DSCAM: variants seen among roughly 807,000 people sequenced by gnomAD.
The protein encoded by DSCAM is DS cell adhesion molecule, also known as cell adhesion molecule DSCAM.
Under a neutral mutation model 217.7 loss-of-function variants are expected in DSCAM, and 47 were observed. That is an observed-to-expected ratio of 0.22 (90% CI 0.17 to 0.28). DSCAM has a LOEUF of 0.28. Ranked by LOEUF, DSCAM falls within the 10% of genes least tolerant of loss-of-function variation. DSCAM has a pLI of 1.00. For missense variants in DSCAM, 2,080 were observed against 2,618.3 expected (o/e 0.79, Z 4.49); for synonymous variants, 1,056 against 1,015.3 (o/e 1.04, Z -0.76).
At chr21:40,359,181 T>C (rs2074730058) in intron 4 of DSCAM, among the ~76,000 whole-genome samples, 1 of 152,198 alleles carries the variant, frequency 6.6e-6, no homozygotes, top group Non-Finnish European at 1.5e-5. Context: ...TGGAAGGTAA[T>C]ATATACTTAC....
At chr21:40,409,943 A>G (rs1033196079) in intron 3 of DSCAM, among the ~76,000 whole-genome samples, 1 of 152,250 alleles carries the variant, frequency 6.6e-6, no homozygotes, top group Non-Finnish European at 1.5e-5. Flanking sequence ...GACATCCACT[A>G]AACAATTACA....
At chr21:40,654,446 T>G (rs1461486963) in intron 3 of DSCAM, among the ~76,000 whole-genome samples, 1 of 152,208 alleles carries the variant, frequency 6.6e-6, no homozygotes, top group Non-Finnish European at 1.5e-5. Context: ...CTGCACTAAA[T>G]TTTTACAGCT....
At chr21:40,274,228 G>A (rs2073657492) in intron 11 of DSCAM, among the ~76,000 whole-genome samples, 1 of 152,206 alleles carries the variant, frequency 6.6e-6, no homozygotes. Flanking sequence ...GGACATATGG[G>A]GGCATCGTCC....
At chr21:40,592,999 T>C (rs2076994957) in intron 3 of DSCAM, among the ~76,000 whole-genome samples, 2 of 152,198 alleles carry the variant, frequency 1.3e-5, no homozygotes, top group Non-Finnish European at 2.9e-5. Context: ...TTTGACGAAG[T>C]TAAATGTTTG....
intron 1 of DSCAM, among the ~76,000 whole-genome samples, chr21:40,825,266 TTTCCTTCCTTCCTTCC>T (rs142604153): frequency 0.022 from 3,138 of 140,052 alleles, 106 homozygotes; most frequent in African/African-American, 0.076. Context: ...ATTTTCTTTC[TTTCCTTCCTTCCTTCC>T]TTCCTTCCTT....
At chr21:40,048,158 A>T (rs1288298644) in intron 30 of DSCAM, among the ~76,000 whole-genome samples, 1 of 152,176 alleles carries the variant, frequency 6.6e-6, no homozygotes, top group Non-Finnish European at 1.5e-5. Flanking sequence ...GTCATCACCC[A>T]CGTTAAGAGC....
At chr21:40,444,983 A>G (rs1215029263) in intron 3 of DSCAM, among the ~76,000 whole-genome samples, 5 of 152,150 alleles carry the variant, frequency 3.3e-5, no homozygotes, top group Non-Finnish European at 2.9e-5. Flanking sequence ...GGGCTGCTAT[A>G]ACAAAATATG....
intron 11 of DSCAM, among the ~76,000 whole-genome samples, chr21:40,191,608 C>T (rs979607756): frequency 3.3e-5 from 5 of 152,118 alleles, no homozygotes; most frequent in South Asian, 2.1e-4. Flanking sequence ...ATATTGCATT[C>T]GCTTCCTAGA....
chr21:40,386,774 A>G (rs1382062366), intron 3 of DSCAM, among the ~76,000 whole-genome samples: 1 of 152,128 alleles, frequency 6.6e-6, no homozygotes, highest in Non-Finnish European at 1.5e-5. Context: ...TTAAAAGTGG[A>G]AACAGTGACG....
rs117289242 is a variant in DSCAM, at chr21:40,611,114, A to G, written c.508+81696T>C. ...CACCGTGTCGTCCAGGCTGGAGTAC[A>G]GTGGCGCGATCTCGGCTCACTGCAA... On this transcript the variant is annotated intron_variant, in intron 3 of 32. Coordinates refer to ENST00000400454, the MANE Select transcript of DSCAM (RefSeq NM_001389.5). 2.7e-3 allele frequency among the ~76,000 whole-genome samples: 385 copies of G among 141,022 alleles called. 13 individuals are homozygous for G. The East Asian group carries it at 0.061, about 22-fold the overall frequency. The allele number at this position is 141,022 out of a possible 152,430, so 92.5% of individuals were successfully genotyped here.
chr21:40,192,050 T>G (rs560610847), intron 11 of DSCAM, among the ~76,000 whole-genome samples: 59 of 152,294 alleles, frequency 3.9e-4, no homozygotes, highest in Non-Finnish European at 7.6e-4. Flanking sequence ...ATTACAAATA[T>G]ATTTATATTA....
chr21:40,213,677 G>A (rs774546660), intron 11 of DSCAM, among the ~76,000 whole-genome samples: 2 of 152,202 alleles, frequency 1.3e-5, no homozygotes, highest in Non-Finnish European at 2.9e-5. Context: ...TGGGTGAGAA[G>A]CTAGAAGGGA....
intron 3 of DSCAM, among the ~76,000 whole-genome samples, chr21:40,532,582 T>C (rs1208738323): frequency 6.6e-6 from 1 of 152,214 alleles, no homozygotes. Flanking sequence ...CAGACAGTTC[T>C]TGCCGAGGGC....
At chr21:40,146,069 C>A (rs986679338) in intron 16 of DSCAM, among the ~76,000 whole-genome samples, 1 of 151,990 alleles carries the variant, frequency 6.6e-6, no homozygotes, top group Admixed American at 6.6e-5. Context: ...ATCTCTCAAG[C>A]CTCTGAAAGC....
intron 3 of DSCAM, 92 bp downstream of exon 3, chr21:40,692,718 T>C (rs1008248963): frequency 1.4e-6 from 2 of 1,426,470 alleles, no homozygotes; most frequent in African/African-American, 1.4e-5. Flanking sequence ...TGAATTATGA[T>C]GAACACATAA....
At chr21:40,676,128 T>C (rs1349676311) in intron 3 of DSCAM, among the ~76,000 whole-genome samples, 2 of 152,192 alleles carry the variant, frequency 1.3e-5, no homozygotes, top group Admixed American at 6.5e-5. Flanking sequence ...AAGAAAGTAA[T>C]CATCCATATC....
In DSCAM at chr21:40,573,392, C is replaced by T. The variant is rs147668476; in HGVS notation, c.508+119418G>A. Among the ~76,000 whole-genome samples, 586 of 152,080 alleles carry T rather than the reference C, an allele frequency of 3.9e-3. 3 individuals carry two copies. The highest frequency in any genetic ancestry group is 2.5e-3 in the Non-Finnish European group (168 of 67,986). ...ATGAAAATAAATAGCTTTAAAACTA[C>T]TCAAATATTTGAAAATTAAACAACA... is the stretch of plus-strand genomic sequence containing the variant. On this transcript the variant is annotated intron_variant, in intron 3 of 32. Coordinates refer to ENST00000400454, the MANE Select transcript of DSCAM (RefSeq NM_001389.5).
chr21:40,098,779 T>C (rs1601328176), intron 20 of DSCAM, among the ~76,000 whole-genome samples: 1 of 152,344 alleles, frequency 6.6e-6, no homozygotes, highest in South Asian at 2.1e-4. Flanking sequence ...CAGTGTCAGA[T>C]GATTTGGAGA....
At chr21:40,432,849 A>G (rs2075547521) in intron 3 of DSCAM, among the ~76,000 whole-genome samples, 1 of 152,148 alleles carries the variant, frequency 6.6e-6, no homozygotes, top group African/African-American at 2.4e-5. Context: ...TCATGTGCCC[A>G]GGTTCCACGG....
Sources: allele counts gnomAD v4.1 joint callset (sites outside exome capture counted in the v4.1 genomes callset), GRCh38; gene constraint gnomAD v4.1.1; transcripts MANE v1.5; gene names NCBI Gene and HGNC (gene_info 2026-07-23, HGNC 2026-07-21).